The following STARD9 variants were observed in gnomAD, a reference collection of about 807,000 sequenced individuals.
The protein encoded by STARD9 is StAR related lipid transfer domain containing 9.
STARD9 carries 346 observed loss-of-function variants against 399.8 expected under a neutral mutation model. That is an observed-to-expected ratio of 0.87 (90% CI 0.79 to 0.95). The LOEUF is 0.95. Among genes scored for constraint, STARD9 ranks in the 40% least tolerant of loss-of-function variants. The pLI, the probability that STARD9 is intolerant of heterozygous loss-of-function variation, is 0.00. For missense variants in STARD9, 5,832 were observed against 5,667.5 expected, an observed-to-expected ratio of 1.03 and a Z score of -0.93; for synonymous variants, 2,203 against 2,143.5, an observed-to-expected ratio of 1.03 and a Z score of -0.77.
intron 26 of STARD9, among the ~76,000 whole-genome samples, chr15:42,715,835 G>A (rs1258054900): frequency 6.6e-6 from 1 of 152,102 alleles, no homozygotes. Flanking sequence ...TTAGCCAAGT[G>A]TTGTAGCTAA....
intron 16 of STARD9, chr15:42,669,722 A>G (rs1408962292): frequency 5.9e-6 from 1 of 170,314 alleles, no homozygotes; most frequent in Non-Finnish European, 1.3e-5. Flanking sequence ...GATAACCATT[A>G]GTGCTCCTAA....
In STARD9 at chr15:42,685,981, C is replaced by A; in HGVS notation, c.4403C>A (p.Ala1468Asp). ...HNSSVSNVLA[A>D]SATTLTHVGS... ...TCTAGCGTATCAAACGTGCTGGCTGCCTCTGCCACCACCTTGACTCATGTA... is the reference window on the plus strand; with the variant it reads ...TCTAGCGTATCAAACGTGCTGGCTGACTCTGCCACCACCTTGACTCATGTA... The change falls in exon 23 of 33, where the codon GCC becomes GAC. Residue 1468 changes from alanine to aspartate, a missense_variant. Physicochemically the swap from Ala to Asp is moderately radical, Grantham distance 126. Transcript: ENST00000290607. The A allele has an allele frequency of 6.5e-7, 1 of 1,537,292 alleles. No homozygotes were observed. The highest frequency in any genetic ancestry group is 8.7e-7 in the Non-Finnish European group (1 of 1,146,908).
At chr15:42,699,392 CTTTTTTTTTT>C (rs34614271) in intron 26 of STARD9, among the ~76,000 whole-genome samples, 2 of 113,280 alleles carry the variant, frequency 1.8e-5, no homozygotes, top group African/African-American at 8.2e-5. Context: ...TTTTTCTTTT[CTTTTTTTTTT>C]TTTTTTTTTT....
intron 3 of STARD9, among the ~76,000 whole-genome samples, chr15:42,621,259 A>G (rs1285735573): frequency 6.6e-6 from 1 of 152,144 alleles, no homozygotes; most frequent in Non-Finnish European, 1.5e-5. Flanking sequence ...AGTACTTTGA[A>G]ACTATGTATT....
At chr15:42,717,328 A>C (rs2061368817) in intron 28 of STARD9, among the ~76,000 whole-genome samples, 1 of 152,088 alleles carries the variant, frequency 6.6e-6, no homozygotes, top group Non-Finnish European at 1.5e-5. Context: ...CTACAAAAAA[A>C]TAAAAAACAT....
In STARD9 at chr15:42,691,312, T is replaced by C. The variant is rs1307439721; in HGVS notation, c.9734T>C (p.Leu3245Ser). 1 of 1,537,238 alleles carries C rather than the reference T, an allele frequency of 6.5e-7. No individual in the cohort carries two copies. The highest frequency in any genetic ancestry group is 1.2e-5 in the South Asian group (1 of 84,060). ...GATGGCTTAGATGGCTGTCAGATTT[T>C]AGATGCTGGGAGAGAGGAGGTGGCT... ...DEDGLDGCQI[L>S]DAGREEVAVA... The change falls in exon 23 of 33, where the codon TTA becomes TCA. Residue 3245 changes from leucine to serine, a missense_variant. By Grantham distance (145) the Leu-to-Ser change is moderately radical. Around this residue, in one of 2 missense-constraint regions of STARD9, gnomAD observed 5,828 missense variants for 5,651.1 expected, o/e 1.03. Coordinates refer to ENST00000290607, the MANE Select transcript of STARD9 (RefSeq NM_020759.3).
chr15:42,653,810 T>TA (rs535464309), intron 9 of STARD9, among the ~76,000 whole-genome samples: 2 of 151,992 alleles, frequency 1.3e-5, no homozygotes, highest in African/African-American at 2.4e-5. Flanking sequence ...TGAGTAAATA[T>TA]AAAAAAAACC....
intron 3 of STARD9, among the ~76,000 whole-genome samples, chr15:42,609,880 G>T (rs930955016): frequency 6.6e-6 from 1 of 152,000 alleles, no homozygotes; most frequent in African/African-American, 2.4e-5. Flanking sequence ...ATCACTTGAG[G>T]TCAGGAGTTC....
Position 42,578,630 on chromosome 15 carries a change from T to G in STARD9, c.47+2868T>G, listed in dbSNP as rs371850543. ...TTTACCCACTGTATAGCTTTGTTTT[T>G]TTTTTTTTTTAAAGTTTTTCCAAGA... On this transcript the variant is annotated intron_variant, in intron 1 of 32. Transcript: ENST00000290607. Among the ~76,000 whole-genome samples the G allele has an allele frequency of 8.5e-5, 13 of 152,246 alleles. No individual in the cohort carries two copies. The East Asian group carries it at 2.5e-3, about 29-fold the overall frequency.
intron 31 of STARD9, 31 bp downstream of exon 31, chr15:42,718,545 G>A: frequency 6.5e-7 from 1 of 1,529,440 alleles, no homozygotes; most frequent in Non-Finnish European, 8.8e-7. Context: ...GATGTTGTGG[G>A]AAGAACTTGG....
intron 7 of STARD9, among the ~76,000 whole-genome samples, chr15:42,646,946 G>A (rs2059658279): frequency 6.6e-6 from 1 of 152,210 alleles, no homozygotes; most frequent in South Asian, 2.1e-4. Flanking sequence ...AGGGAGGCCT[G>A]AGTAGAGGGA....
chr15:42,703,968 C>A (rs1002491157), intron 26 of STARD9, among the ~76,000 whole-genome samples: 24 of 152,144 alleles, frequency 1.6e-4, no homozygotes, highest in Admixed American at 4.6e-4. Flanking sequence ...AGTGCAGTGG[C>A]GTGATCTTGG....
chr15:42,696,625 G>C (rs567215039), intron 26 of STARD9, among the ~76,000 whole-genome samples: 1 of 152,216 alleles, frequency 6.6e-6, no homozygotes, highest in Non-Finnish European at 1.5e-5. Context: ...GGCAGGAGCA[G>C]CTGTGGGAGA....
At chr15:42,623,269 C>T (rs1037125595) in intron 3 of STARD9, among the ~76,000 whole-genome samples, 8 of 151,922 alleles carry the variant, frequency 5.3e-5, no homozygotes, top group African/African-American at 1.2e-4. Context: ...AAAAAGATGC[C>T]GATCAAATGC....
chr15:42,634,160 G>A (rs1039584661), intron 3 of STARD9, among the ~76,000 whole-genome samples: 4 of 152,162 alleles, frequency 2.6e-5, no homozygotes, highest in Admixed American at 2.6e-4. Context: ...GCATTCTGCT[G>A]AAGACTGGCT....
chr15:42,685,103 C>G lies in STARD9; in HGVS notation c.3525C>G (p.Pro1175=). 6.5e-7 allele frequency: 1 copy of G among 1,537,232 alleles called. No homozygotes were observed. The highest frequency in any genetic ancestry group is 8.7e-7 in the Non-Finnish European group (1 of 1,146,930). Residue 1175 remains proline (P), a synonymous_variant, in exon 23 of 33, where the codon CCC becomes CCG. Transcript: ENST00000290607. ...GTCCCACCAACAACCGTGGCCAACCCAGGACCAGAACTAGAGCTTCTGTGA... is the reference window on the plus strand; with the variant it reads ...GTCCCACCAACAACCGTGGCCAACCGAGGACCAGAACTAGAGCTTCTGTGA... ...GNRPTNNRGQ[P]RTRTRASVRG...
intron 26 of STARD9, among the ~76,000 whole-genome samples, chr15:42,712,678 A>T (rs1400533234): frequency 6.6e-6 from 1 of 152,132 alleles, no homozygotes; most frequent in Non-Finnish European, 1.5e-5. Context: ...TGATCTACAT[A>T]TCTATCCTTA....
intron 9 of STARD9, among the ~76,000 whole-genome samples, chr15:42,659,277 G>T (rs1051505636): frequency 6.6e-6 from 1 of 152,136 alleles, no homozygotes; most frequent in Non-Finnish European, 1.5e-5. Flanking sequence ...ATTTTGAACT[G>T]ACATTTCACT....
Position 42,719,043 on chromosome 15 carries a change from G to A in STARD9, c.14001+133G>A. 4.1e-6 allele frequency: 3 copies of A among 725,740 alleles called. No individual in the cohort carries two copies. In the South Asian group the frequency reaches 5.6e-5, roughly 14 times the overall value. 45.0% of individuals were successfully genotyped at this position (725,740 alleles called of 1,614,324 possible). On this transcript the variant is annotated intron_variant, in intron 32 of 32. Coordinates refer to ENST00000290607, the MANE Select transcript of STARD9 (RefSeq NM_020759.3). Reference sequence around the variant, plus strand: ...TGGCCTGAGACCTGGAGACTTGAGGGCTTCCTGGGCTTTTGCAGTAAGGGG... The same window carrying A: ...TGGCCTGAGACCTGGAGACTTGAGGACTTCCTGGGCTTTTGCAGTAAGGGG...
Sources: gnomAD v4.1 joint callset for allele counts (sites outside exome capture counted in the v4.1 genomes callset) on GRCh38, gnomAD v4.1.1 for gene constraint, gnomAD v4.1.1 regional missense constraint, MANE v1.5 for transcripts, NCBI Gene and HGNC (gene_info 2026-07-23, HGNC 2026-07-21) for gene names.